Variants in KMT2D observed in about 807,000 individuals in gnomAD.
The protein encoded by KMT2D is histone-lysine N-methyltransferase 2D.
In KMT2D, 55 loss-of-function variants were observed where a neutral mutation model predicts 512.7. The ratio of observed to expected loss-of-function variants is 0.11; its 90% CI spans 0.09 to 0.13. The LOEUF is 0.13. Ranked by LOEUF, KMT2D falls within the 10% of genes least tolerant of loss-of-function variation. The pLI is 1.00. For missense variants in KMT2D, 6,061 were observed against 7,127.9 expected, an observed-to-expected ratio of 0.85 and a Z score of 5.39; for synonymous variants, 2,995 against 2,904.0, an observed-to-expected ratio of 1.03 and a Z score of -1.01.
At chr12:49,045,703 G>C (rs561453979) in intron 19 of KMT2D, among the ~76,000 whole-genome samples, 13 of 151,928 alleles carry the variant, frequency 8.6e-5, no homozygotes, top group Non-Finnish European at 1.5e-4. Context: ...AGACCATGGT[G>C]CCTGATGAAA....
intron 46 of KMT2D, 52 bp from the exon 47 acceptor site, chr12:49,028,193 G>A (rs1330305753): frequency 6.2e-7 from 1 of 1,611,144 alleles, no homozygotes; most frequent in Non-Finnish European, 8.5e-7. Flanking sequence ...AGTGTCTGAG[G>A]TGAGCTCTAC....
rs778770158 is a variant in KMT2D, at chr12:49,037,699, A to C, written c.9657T>G (p.Ala3219=). The change falls in exon 35 of 55, where the codon GCT becomes GCG. Residue 3219 remains alanine (A), a synonymous_variant. Coordinates refer to ENST00000301067, the MANE Select transcript of KMT2D (RefSeq NM_003482.4). ...LLEKFELESG[A]LTLPGGPAAS... ...CTGCAGGTCCACCAGGCAAGGTCAAAGCCCCACTCTCGAGCTCAAACTTTT... is the reference window on the plus strand; with the variant it reads ...CTGCAGGTCCACCAGGCAAGGTCAACGCCCCACTCTCGAGCTCAAACTTTT... 18 of 1,586,768 alleles carry C rather than the reference A, an allele frequency of 1.1e-5. No homozygotes were observed. The highest frequency in any genetic ancestry group is 1.5e-5 in the Non-Finnish European group (18 of 1,166,418).
In KMT2D at chr12:49,032,527, T is replaced by C. The variant is rs1592118432; in HGVS notation, c.12178A>G (p.Thr4060Ala). The change falls in exon 40 of 55, where the codon ACT becomes GCT. Residue 4060 changes from threonine to alanine, a missense_variant. This residue lies in a region of KMT2D where 1,600 missense variants were observed against 1,754.9 expected (regional missense o/e 0.91). Coordinates refer to ENST00000301067, the MANE Select transcript of KMT2D (RefSeq NM_003482.4). The part of the protein sequence containing the change: ...AIGTTPESMA[T>A]EPGEVKPSLS... ...GAGGGCTTTACCTCTCCTGGTTCAGTGGCCATTGACTCAGGGGTAGTTCCT... is the reference window on the plus strand; with the variant it reads ...GAGGGCTTTACCTCTCCTGGTTCAGCGGCCATTGACTCAGGGGTAGTTCCT... 10 of 1,598,466 alleles carry C rather than the reference T, an allele frequency of 6.3e-6. No individual in the cohort carries two copies. The highest frequency in any genetic ancestry group is 8.5e-6 in the Non-Finnish European group (10 of 1,172,548).
rs955535802 is a variant in KMT2D, at chr12:49,050,412, C to G, written c.3176G>C (p.Gly1059Ala). Residue 1059 changes from glycine to alanine, a missense_variant, in exon 12 of 55, where the codon GGG (glycine) becomes GCG (alanine). Physicochemically the swap from Gly to Ala is moderately conservative, Grantham distance 60. Around this residue, in one of 16 missense-constraint regions of KMT2D, gnomAD observed 447 missense variants for 500.1 expected, o/e 0.89. Coordinates refer to ENST00000301067, the MANE Select transcript of KMT2D (RefSeq NM_003482.4). ...LSVPSPLSPI[G>A]KVVGVSDEAE... ...CTCATCTGAGACCCCCACTACCTTC[C>G]CTATGGGACTCAACGGGGAGGGAAC... The G allele has an allele frequency of 1.9e-6, 3 of 1,613,690 alleles. No individual in the cohort carries two copies. Among genetic ancestry groups the G allele is most frequent in the African/African-American group, 1.3e-5 (1 of 74,916 alleles).
At chr12:49,034,687 GAAGAT>G in intron 36 of KMT2D, 21 bp from the exon 37 acceptor site, 1 of 1,610,126 alleles carries the variant, frequency 6.2e-7, no homozygotes, top group Non-Finnish European at 8.5e-7. Flanking sequence ...CCAAAGCACA[GAAGAT>G]AAGTGTTGGC....
rs1448043458 is a variant in KMT2D, at chr12:49,054,984, G to A, written c.92C>T (p.Ser31Leu). ...AASEDPSATE[S>L]DLPNPHVGEV... is the part of the protein sequence containing the mutation. ...TCCCACATGTGGGTTGGGCAGGTCT[G>A]ACTCAGTGGCACTTGGGTCCTCAGA... Residue 31 changes from serine to leucine, a missense_variant, in exon 3 of 55, where the codon TCA (serine) becomes TTA (leucine). By Grantham distance (145) the Ser-to-Leu change is moderately radical. Coordinates refer to ENST00000301067, the MANE Select transcript of KMT2D (RefSeq NM_003482.4). This position sits in a 1 kb window ranked among gnomAD's most constrained non-coding sequence, Gnocchi z 6.4. The A allele has an allele frequency of 5.0e-6, 8 of 1,614,028 alleles. No homozygotes were observed. The highest frequency in any genetic ancestry group is 6.8e-6 in the Non-Finnish European group (8 of 1,179,890).
chr12:49,040,009 G>C lies in KMT2D; in HGVS notation c.7761C>G (p.Phe2587Leu), dbSNP rs774852841. The change falls in exon 32 of 55, where the codon TTC (phenylalanine) becomes TTG (leucine). Residue 2587 changes from phenylalanine (F) to leucine (L), a missense_variant. Physicochemically the swap from Phe to Leu is conservative, Grantham distance 22. Around this residue, in one of 16 missense-constraint regions of KMT2D, gnomAD observed 527 missense variants for 578.9 expected, o/e 0.91. Coordinates refer to ENST00000301067, the MANE Select transcript of KMT2D (RefSeq NM_003482.4). Reference sequence around the variant, plus strand: ...GCCCCAGGGGGCTGCCCGATGGGTGGAAGTTCCCTGTGGCTACTGTGTAGT... The same window carrying C: ...GCCCCAGGGGGCTGCCCGATGGGTGCAAGTTCCCTGTGGCTACTGTGTAGT... ...STNYTVATGN[F>L]HPSGSPLGPS... The C allele has an allele frequency of 6.2e-7, 1 of 1,613,768 alleles. No homozygotes were observed. The highest frequency in any genetic ancestry group is 1.3e-5 in the African/African-American group (1 of 75,062).
At position 49,052,220 on chromosome 12, in the gene KMT2D, G is replaced by T; in HGVS notation, c.1463C>A (p.Pro488Gln). ...PLPEALHLSRPLEESPLSPPP... is the reference protein window; with the variant it reads ...PLPEALHLSRQLEESPLSPPP... ...CGGAGAGAGGGGCGATTCCTCCAGC[G>T]GCCGGGACAGGTGCAATGCCTCAGG... Residue 488 changes from proline (P) to glutamine (Q), a missense_variant, in exon 11 of 55, where the codon CCG becomes CAG. Transcript: ENST00000301067. 1 of 1,613,110 alleles carries T rather than the reference G, an allele frequency of 6.2e-7. No individual in the cohort carries two copies. The highest frequency in any genetic ancestry group is 8.5e-7 in the Non-Finnish European group (1 of 1,179,634).
chr12:49,032,170 G>A lies in KMT2D; in HGVS notation c.12535C>T (p.Leu4179Phe), dbSNP rs369992689. The change falls in exon 40 of 55, where the codon CTC (leucine) becomes TTC (phenylalanine). Residue 4179 changes from leucine (L) to phenylalanine (F), a missense_variant. By Grantham distance (22) the Leu-to-Phe change is conservative. Around this residue, in one of 16 missense-constraint regions of KMT2D, gnomAD observed 1,600 missense variants for 1,754.9 expected, o/e 0.91. Transcript: ENST00000301067. ...CCAGGCAGACCCTGCCCAGACTGGA[G>A]GACAGGTCCTGGTTTGGGAGGTTGT... is the stretch of plus-strand genomic sequence containing the variant. ...GPQPPKPGPV[L>F]QSGQGLPGVG... 13 of 1,613,004 alleles carry A rather than the reference G, an allele frequency of 8.1e-6. No individual in the cohort carries two copies. Among genetic ancestry groups the A allele is most frequent in the South Asian group, 5.5e-5 (5 of 91,064 alleles).
At position 49,052,994 on chromosome 12, in the gene KMT2D, G is replaced by C. The variant is rs775685334; in HGVS notation, c.1033C>G (p.Leu345Val). Residue 345 changes from leucine (L) to valine (V), a missense_variant, in exon 9 of 55, where the codon CTC becomes GTC. Around this residue, in one of 16 missense-constraint regions of KMT2D, gnomAD observed 848 missense variants for 838.5 expected, o/e 1.01. Coordinates refer to ENST00000301067, the MANE Select transcript of KMT2D (RefSeq NM_003482.4). ...TGGGCTTTGTGACAGCGGTGACAGA[G>C]AGAGTAGTTCTCAAACCACTCCGAG... is the stretch of plus-strand genomic sequence containing the variant. ...PNSEWFENYS[L>V]CHRCHKAQGG... 20 of 1,613,942 alleles carry C rather than the reference G, an allele frequency of 1.2e-5. No individual in the cohort carries two copies. The East Asian group carries it at 2.9e-4, about 23-fold the overall frequency.
At position 49,042,343 on chromosome 12, in the gene KMT2D, G is replaced by A; in HGVS notation, c.5868-13C>T. 1 of 1,515,542 alleles carries A rather than the reference G, an allele frequency of 6.6e-7. No homozygotes were observed. Among genetic ancestry groups the A allele is most frequent in the Non-Finnish European group, 8.8e-7 (1 of 1,131,308 alleles). 93.9% of individuals were successfully genotyped at this position (1,515,542 alleles called of 1,614,324 possible). On this transcript the variant is annotated splice_polypyrimidine_tract_variant and intron_variant, in intron 28 of 54. Coordinates refer to ENST00000301067, the MANE Select transcript of KMT2D (RefSeq NM_003482.4). This position sits in a 1 kb window ranked among gnomAD's most constrained non-coding sequence, Gnocchi z 4.4. ...GCCCCCGCGCTCCCTGGGGCGCAGG[G>A]GCAGAGAGTCACAGGGCGCAGGGAT...
chr12:49,036,063 A>G (rs935474413), intron 35 of KMT2D: 8 of 152,216 alleles, frequency 5.3e-5, no homozygotes, highest in African/African-American at 1.9e-4. Flanking sequence ...AGTCTGCTAT[A>G]ATGATTAAAT....
rs2137712175 is a variant in KMT2D at position 49,024,951 on chromosome 12, G to C, written c.15785-5C>G. The C allele has an allele frequency of 6.3e-7, 1 of 1,586,868 alleles. No homozygotes were observed. Among genetic ancestry groups the C allele is most frequent in the Non-Finnish European group, 8.6e-7 (1 of 1,166,512 alleles). ...CAATGATGCGATTCCACACGGCTAA[G>C]AAGCAGGGAAGAGAGCAGTCCTCAG... On this transcript the variant is annotated splice_region_variant and splice_polypyrimidine_tract_variant and intron_variant, in intron 49 of 54. Coordinates refer to ENST00000301067, the MANE Select transcript of KMT2D (RefSeq NM_003482.4). This position sits in a 1 kb window ranked among gnomAD's most constrained non-coding sequence, Gnocchi z 4.5.
Position 49,024,640 on chromosome 12 carries a change from T to C in KMT2D, c.15990A>G (p.Pro5330=), listed in dbSNP as rs1341465219. ...RYGRHPLMEL[P]LMINPTGCAR... The stretch of plus-strand genomic sequence containing the variant: ...CACAGCCAGTGGGGTTGATCATGAG[T>C]GGCAGCTCCATAAGGGGGTGGCGCC... Residue 5330 remains proline, a synonymous_variant, in exon 51 of 55, where the codon CCA becomes CCG. Transcript: ENST00000301067. This position sits in a 1 kb window ranked among gnomAD's most constrained non-coding sequence, Gnocchi z 4.5. The C allele has an allele frequency of 6.2e-7, 1 of 1,613,792 alleles. No homozygotes were observed. The highest frequency in any genetic ancestry group is 2.2e-5 in the East Asian group (1 of 44,894).
rs746386351 is a variant in KMT2D at position 49,040,925 on chromosome 12, C to A, written c.6845G>T (p.Arg2282Leu). 1 of 1,613,700 alleles carries A rather than the reference C, an allele frequency of 6.2e-7. No homozygotes were observed. The highest frequency in any genetic ancestry group is 1.1e-5 in the South Asian group (1 of 91,078). ...TTCCTTCTTCACCTCTAGGGCCTTC[C>A]GGGACTCCCCAAAAGGTGGGGGCGA... ...LLSPPPFGES[R>L]KALEVKKEEL... The change falls in exon 32 of 55, where the codon CGG becomes CTG. Residue 2282 changes from arginine (R) to leucine (L), a missense_variant. Coordinates refer to ENST00000301067, the MANE Select transcript of KMT2D (RefSeq NM_003482.4).
rs1243242663 is a variant in KMT2D at position 49,038,706 on chromosome 12, C to T, written c.8650G>A (p.Val2884Ile). 1.2e-6 allele frequency: 2 copies of T among 1,610,800 alleles called. No individual in the cohort carries two copies. The highest frequency in any genetic ancestry group is 2.2e-5 in the East Asian group (1 of 44,798). The change falls in exon 35 of 55, where the codon GTA (valine) becomes ATA (isoleucine). Residue 2884 changes from valine (V) to isoleucine (I), a missense_variant. Transcript: ENST00000301067. The surrounding 1 kb of genome is among the most constrained non-coding windows in gnomAD (Gnocchi z 5.7). ...PAQFIELRHN[V>I]QKGLGPGGTP... ...CCCCCAGGTCCCAGTCCTTTCTGTACATTGTGCCGCAGCTCAATGAACTGG... is the reference window on the plus strand; with the variant it reads ...CCCCCAGGTCCCAGTCCTTTCTGTATATTGTGCCGCAGCTCAATGAACTGG...
In KMT2D at chr12:49,042,482, C is replaced by T. The variant is rs553359283; in HGVS notation, c.5867+79G>A. 6 of 1,543,924 alleles carry T rather than the reference C, an allele frequency of 3.9e-6. No homozygotes were observed. Among genetic ancestry groups the T allele is most frequent in the South Asian group, 2.3e-5 (2 of 85,494 alleles). ...GAGCAGGGGAAGTGCTGCAGGAGTC[C>T]GAGGGAGGCAAAGCATGAACTCAGA... On this transcript the variant is annotated intron_variant, in intron 28 of 54. Transcript: ENST00000301067. This position sits in a 1 kb window ranked among gnomAD's most constrained non-coding sequence, Gnocchi z 4.4.
At chr12:49,056,186 T>C (rs1275217065) in intron 1 of KMT2D, among the ~76,000 whole-genome samples, 1 of 152,164 alleles carries the variant, frequency 6.6e-6, no homozygotes, top group Non-Finnish European at 1.5e-5. Flanking sequence ...GGAGTTGTAG[T>C]CTCAGGAAGC....
rs1009285223 is a variant in KMT2D, at chr12:49,043,655, T to C, written c.5447A>G (p.Glu1816Gly). The change falls in exon 24 of 55, where the codon GAA becomes GGA. Residue 1816 changes from glutamate to glycine, a missense_variant. Coordinates refer to ENST00000301067, the MANE Select transcript of KMT2D (RefSeq NM_003482.4). The stretch of plus-strand genomic sequence containing the variant: ...CTAACCTTTCTGCGATGTGGGGAGT[T>C]CCTTCCTTTCTGAGCCTCCATCTCC... The part of the protein sequence containing the change: ...AKGDGGSERK[E>G]LPTSQKGDDG... The C allele has an allele frequency of 6.2e-7, 1 of 1,614,014 alleles. No homozygotes were observed. The highest frequency in any genetic ancestry group is 1.7e-5 in the Admixed American group (1 of 60,032).
Sources: allele counts gnomAD v4.1 joint callset (sites outside exome capture counted in the v4.1 genomes callset), GRCh38; gene constraint gnomAD v4.1.1; regional missense constraint gnomAD v4.1.1; non-coding constraint Gnocchi (gnomAD v3.1); transcripts MANE v1.5; gene names NCBI Gene and HGNC (gene_info 2026-07-23, HGNC 2026-07-21).